RNF115: variants seen among roughly 807,000 people sequenced by gnomAD.
RNF115 encodes ring finger protein 115, also known as E3 ubiquitin-protein ligase RNF115.
Under a neutral mutation model 39.2 loss-of-function variants are expected in RNF115, and 31 were observed. The ratio of observed to expected loss-of-function variants is 0.79; its 90% confidence interval spans 0.59 to 1.07. The LOEUF is 1.07. Among genes scored for constraint, RNF115 ranks in the 50% least tolerant of loss-of-function variants. The pLI, the probability that RNF115 is intolerant of heterozygous loss-of-function variation, is 0.00. For missense variants in RNF115, 384 were observed against 381.7 expected (o/e 1.01, Z -0.05); for synonymous variants, 124 against 131.0 (o/e 0.95, Z 0.37).
At chr1:145,792,265 T>C (rs1246761193) in intron 1 of RNF115, among the ~76,000 whole-genome samples, 2 of 152,160 alleles carry the variant, frequency 1.3e-5, no homozygotes, top group African/African-American at 2.4e-5. Flanking sequence ...AATTTTGTTT[T>C]ACCTGAAGAT....
At chr1:145,761,689 G>T (rs1658512825) in intron 4 of RNF115, among the ~76,000 whole-genome samples, 1 of 152,246 alleles carries the variant, frequency 6.6e-6, no homozygotes, top group African/African-American at 2.4e-5. Context: ...GGGCGGTGCG[G>T]AAGGAAAATG....
rs782787353 is a variant in RNF115 at position 145,750,442 on chromosome 1, G to C, written c.632C>G (p.Ser211Cys). ...CTGAGTTACTGTCACTGTTGGAAGA[G>C]ATGTGATCTTTTCCTTGTCAGCTGG... ...PPPADKEKIT[S>C]LPTVTVTQEQ... Residue 211 changes from serine to cysteine, a missense_variant, in exon 7 of 9, where the codon TCT (serine) becomes TGT (cysteine). Transcript: ENST00000582693. The C allele has an allele frequency of 6.2e-7, 1 of 1,613,980 alleles. No homozygotes were observed. The highest frequency in any genetic ancestry group is 1.7e-5 in the Admixed American group (1 of 60,014).
intron 4 of RNF115, among the ~76,000 whole-genome samples, chr1:145,761,022 G>A (rs587695456): frequency 1.3e-5 from 2 of 152,180 alleles, no homozygotes; most frequent in East Asian, 1.9e-4. Flanking sequence ...AAAGAGACTG[G>A]CAGCATTTTG....
chr1:145,781,323 A>G (rs1559118008), intron 3 of RNF115, among the ~76,000 whole-genome samples: 1 of 152,208 alleles, frequency 6.6e-6, no homozygotes, highest in Non-Finnish European at 1.5e-5. Flanking sequence ...AAAACTGAGC[A>G]TAAGTCTTTG....
intron 1 of RNF115, among the ~76,000 whole-genome samples, chr1:145,811,908 A>AAAAT (rs1553722706): frequency 3.6e-4 from 20 of 55,138 alleles, no homozygotes; most frequent in South Asian, 6.8e-4. Flanking sequence ...AAAAAAAAAA[A>AAAAT]ATATATATAT....
intron 8 of RNF115, 53 bp from the exon 9 acceptor site, chr1:145,747,050 A>C: frequency 6.5e-7 from 1 of 1,548,558 alleles, no homozygotes; most frequent in Non-Finnish European, 8.8e-7. Context: ...AGAAGCTGGG[A>C]GTATTGTACA....
chr1:145,768,049 A>G (rs911572357), intron 4 of RNF115, among the ~76,000 whole-genome samples: 6 of 152,220 alleles, frequency 3.9e-5, no homozygotes, highest in Non-Finnish European at 7.3e-5. Context: ...CCCCTGAGAA[A>G]CAAAGGCCCA....
chr1:145,811,930 T>C (rs3118886), intron 1 of RNF115, among the ~76,000 whole-genome samples: 93 of 112,028 alleles, frequency 8.3e-4, no homozygotes, highest in African/African-American at 1.4e-3. Flanking sequence ...TATATATATA[T>C]ATACACACAC....
At position 145,753,033 on chromosome 1, in the gene RNF115, A is replaced by G; in HGVS notation, c.445T>C (p.Phe149Leu). 6.2e-7 allele frequency: 1 copy of G among 1,610,508 alleles called. No individual in the cohort carries two copies. Among genetic ancestry groups the G allele is most frequent in the Non-Finnish European group, 8.5e-7 (1 of 1,176,872 alleles). ...PAIEGILQHI[F>L]AGFFANSAIP... ...GCAGAATTTGCAAAGAATCCTGCAA[A>G]GATGTGTTGTAGTATTCTGTTACAG... Residue 149 changes from phenylalanine to leucine, a missense_variant, in exon 5 of 9, where the codon TTT becomes CTT. By Grantham distance (22) the Phe-to-Leu change is conservative. Coordinates refer to ENST00000582693, the MANE Select transcript of RNF115 (RefSeq NM_014455.4).
chr1:145,811,370 A>AAAAAAG (rs1649692809), intron 1 of RNF115, among the ~76,000 whole-genome samples: 4 of 146,616 alleles, frequency 2.7e-5, no homozygotes, highest in African/African-American at 1.0e-4. Context: ...AAAAAAAAAA[A>AAAAAAG]AAAAAGAAAA....
chr1:145,820,069 A>G (rs1650168002), intron 1 of RNF115, among the ~76,000 whole-genome samples: 1 of 146,056 alleles, frequency 6.8e-6, no homozygotes, highest in African/African-American at 2.5e-5. Context: ...TTAAAAGCTA[A>G]TCTACCACAA....
chr1:145,792,831 T>G (rs1051080700), intron 1 of RNF115, among the ~76,000 whole-genome samples: 1 of 152,170 alleles, frequency 6.6e-6, no homozygotes, highest in Non-Finnish European at 1.5e-5. Flanking sequence ...TAATATCGAC[T>G]TTACCTTGAG....
intron 4 of RNF115, among the ~76,000 whole-genome samples, chr1:145,764,765 C>G (rs1342795641): frequency 1.3e-5 from 2 of 149,332 alleles, no homozygotes; most frequent in African/African-American, 4.9e-5. Context: ...TGGGGGCCAG[C>G]CCCCGCCCAG....
intron 1 of RNF115, among the ~76,000 whole-genome samples, chr1:145,799,556 G>A (rs192264474): frequency 3.4e-5 from 5 of 145,262 alleles, no homozygotes; most frequent in African/African-American, 1.3e-4. Context: ...GAAAGCTTTC[G>A]GTCTTTCACC....
In RNF115 at chr1:145,752,585, C is replaced by CTTTTTTTTTT. The variant is rs60257682; in HGVS notation, c.500+383_500+392dup. ...CATCTACATACTCACCTATGCAGCT[C>CTTTTTTTTTT]TTTTTTTTTTTTTTTTTTTTTGAGA... On this transcript the variant is annotated intron_variant, in intron 5 of 8. Transcript: ENST00000582693. 5.5e-4 allele frequency among the ~76,000 whole-genome samples: 46 copies of CTTTTTTTTTT among 83,758 alleles called. 7 individuals carry two copies. The highest frequency in any genetic ancestry group is 1.2e-3 in the African/African-American group (21 of 17,416). The allele number at this position is 83,758 out of a possible 152,430, so 54.9% of individuals were successfully genotyped here. A position where few individuals can be genotyped will look rare whatever the true frequency, so the allele number is the denominator to read the frequency against.
At chr1:145,774,295 C>T (rs1553716184) in intron 3 of RNF115, among the ~76,000 whole-genome samples, 1 of 129,112 alleles carries the variant, frequency 7.7e-6, no homozygotes, top group African/African-American at 2.8e-5. Context: ...TCTCTTTCCC[C>T]CAACATTTTT....
At chr1:145,773,509 G>T (rs587599278) in intron 3 of RNF115, 1 of 152,154 alleles carries the variant, frequency 6.6e-6, no homozygotes, top group East Asian at 1.9e-4. Context: ...ATGCTCGCCA[G>T]GTCTCTACTG....
rs1411726593 is a variant in RNF115, at chr1:145,742,179, GAC to G, written c.*4685_*4686del. On this transcript the variant is annotated 3_prime_UTR_variant, in exon 9 of 9. Coordinates refer to ENST00000582693, the MANE Select transcript of RNF115 (RefSeq NM_014455.4). Reference sequence around the variant, plus strand: ...TTTGTTGTTGTTGTCATTTAAAACAGACACAGACTATGCTTCCCTCCTGATTT... The same window carrying G: ...TTTGTTGTTGTTGTCATTTAAAACAGACAGACTATGCTTCCCTCCTGATTT... 2.0e-5 allele frequency: 3 copies of G among 152,096 alleles called. No individual in the cohort carries two copies. The highest frequency in any genetic ancestry group is 4.4e-5 in the Non-Finnish European group (3 of 68,008). 9.4% of individuals were successfully genotyped at this position (152,096 alleles called of 1,614,324 possible). A position where few individuals can be genotyped will look rare whatever the true frequency, so the allele number is the denominator to read the frequency against.
intron 3 of RNF115, among the ~76,000 whole-genome samples, chr1:145,780,292 C>G (rs587669839): frequency 2.2e-4 from 33 of 151,652 alleles, no homozygotes; most frequent in East Asian, 2.0e-3. Flanking sequence ...AGGACAAAAT[C>G]TGAAAGGAAA....
Sources: gnomAD v4.1 joint callset for allele counts (sites outside exome capture counted in the v4.1 genomes callset) on GRCh38, gnomAD v4.1.1 for gene constraint, MANE v1.5 for transcripts, NCBI Gene and HGNC (gene_info 2026-07-23, HGNC 2026-07-21) for gene names.